MB: variants seen among roughly 807,000 people sequenced by gnomAD.
MB encodes nitrite reductase MB.
In MB, 10 loss-of-function variants were observed where a neutral mutation model predicts 14.5. The ratio of observed to expected loss-of-function variants is 0.69; its 90% confidence interval spans 0.43 to 1.17. MB has a LOEUF of 1.17. Ranked by LOEUF, MB falls within the 50% of genes most tolerant of loss-of-function variation. MB has a pLI of 0.00. For synonymous variants in MB, 89 were observed against 78.6 expected, an observed-to-expected ratio of 1.13 and a Z score of -0.70; for missense variants, 169 against 192.7, an observed-to-expected ratio of 0.88 and a Z score of 0.73.
rs775351969 is a variant in MB at position 35,610,954 on chromosome 22, T to C, written c.248A>G (p.His83Arg). 72 of 1,614,088 alleles carry C rather than the reference T, an allele frequency of 4.5e-5. No individual in the cohort carries two copies. The highest frequency in any genetic ancestry group is 2.2e-5 in the East Asian group (1 of 44,898). The change falls in exon 2 of 3, where the codon CAT (histidine) becomes CGT (arginine). Residue 83 changes from histidine (H) to arginine (R), a missense_variant. Physicochemically the swap from His to Arg is conservative, Grantham distance 29. Coordinates refer to ENST00000397326, the MANE Select transcript of MB (RefSeq NM_005368.3). ...LGGILKKKGH[H>R]EAEIKPLAQS... ...TGCCAGGGGCTTAATCTCTGCCTCA[T>C]GATGCCCCTTCTTCTTAAGGATGCC...
chr22:35,621,986 C>T (rs1010193739), upstream of MB: 1 of 152,266 alleles, frequency 6.6e-6, no homozygotes, highest in African/African-American at 2.4e-5. Flanking sequence ...TTGAGCCCCT[C>T]AGGCAGCTGT....
chr22:35,615,290 C>G (rs1462236149), intron 1 of MB, among the ~76,000 whole-genome samples: 1 of 152,196 alleles, frequency 6.6e-6, no homozygotes, highest in African/African-American at 2.4e-5. Flanking sequence ...AGGCCATCCT[C>G]CCTGTACCCC....
upstream of MB, among the ~76,000 whole-genome samples, chr22:35,619,204 A>T (rs929656295): frequency 6.6e-6 from 1 of 152,240 alleles, no homozygotes; most frequent in Non-Finnish European, 1.5e-5. Flanking sequence ...GATAACTAAG[A>T]GGAATGAAAA....
chr22:35,617,500 G>A, upstream of MB: 1 of 540,012 alleles, frequency 1.9e-6, no homozygotes, highest in East Asian at 3.2e-5. Flanking sequence ...TTTTAGGGCA[G>A]GTGCCATTGT....
rs45612835 is a variant in MB, at chr22:35,609,441, T to C, written c.318+1443A>G. Among the ~76,000 whole-genome samples, 185 of 152,190 alleles carry C rather than the reference T, an allele frequency of 1.2e-3. 2 individuals carry two copies. The highest frequency in any genetic ancestry group is 0.01 in the East Asian group (53 of 5,168). On this transcript the variant is annotated intron_variant, in intron 2 of 2. Transcript: ENST00000397326. ...AGGGACGGCCTCACATGCAGGGTTG[T>C]CTGTTCACGCTGGTGATGTGGAGCA...
chr22:35,609,030 T>C (rs1017451569), intron 2 of MB, among the ~76,000 whole-genome samples: 6 of 152,198 alleles, frequency 3.9e-5, no homozygotes, highest in African/African-American at 1.4e-4. Context: ...AAGCATGTTT[T>C]AGGGAGACCT....
chr22:35,611,655 T>A (rs2145915273), intron 1 of MB, among the ~76,000 whole-genome samples: 1 of 152,158 alleles, frequency 6.6e-6, no homozygotes, highest in South Asian at 2.1e-4. Flanking sequence ...TCTCTGAACC[T>A]CCCAGTCCCC....
At chr22:35,621,943 G>C (rs1432556605), upstream of MB, 1 of 152,244 alleles carries the variant, frequency 6.6e-6, no homozygotes, top group Non-Finnish European at 1.5e-5. Flanking sequence ...GAACGCTATA[G>C]CAAAGGGGAT....
upstream of MB, chr22:35,617,485 A>G (rs1197846878): frequency 5.4e-6 from 3 of 559,844 alleles, no homozygotes; most frequent in Non-Finnish European, 9.6e-6. Flanking sequence ...TCACATGGGA[A>G]GCTATTTTAG....
upstream of MB, among the ~76,000 whole-genome samples, chr22:35,618,657 T>A (rs1923254983): frequency 6.6e-6 from 1 of 151,702 alleles, no homozygotes; most frequent in Admixed American, 6.6e-5. Flanking sequence ...TATTCATCTA[T>A]CCATCATCTC....
chr22:35,613,802 A>G lies in MB; in HGVS notation c.96-2696T>C, dbSNP rs1922844412. Among the ~76,000 whole-genome samples, 5 of 151,986 alleles carry G rather than the reference A, an allele frequency of 3.3e-5. No homozygotes were observed. The South Asian group carries it at 8.3e-4, about 25-fold the overall frequency. On this transcript the variant is annotated intron_variant, in intron 1 of 2. Coordinates refer to ENST00000397326, the MANE Select transcript of MB (RefSeq NM_005368.3). ...CCTGAGCCACCCCACCCCACCCCATATTTACTTTAAACAGCAGAGCAGAAT... is the reference window on the plus strand; with the variant it reads ...CCTGAGCCACCCCACCCCACCCCATGTTTACTTTAAACAGCAGAGCAGAAT...
In MB at chr22:35,616,990, T is replaced by C. The variant is rs536913668; in HGVS notation, c.95+173A>G. 2.5e-4 allele frequency: 149 copies of C among 587,496 alleles called. 2 individuals are homozygous for C. The South Asian group carries it at 3.1e-3, about 12-fold the overall frequency. The allele number at this position is 587,496 out of a possible 1,614,324, so 36.4% of individuals were successfully genotyped here. Reference sequence around the variant, plus strand: ...CAGCCTGAAATGGCTCCTTTCCCTCTCCTGAGTCCAATCCCTGACACTTAA... The same window carrying C: ...CAGCCTGAAATGGCTCCTTTCCCTCCCCTGAGTCCAATCCCTGACACTTAA... On this transcript the variant is annotated intron_variant, in intron 1 of 2. Coordinates refer to ENST00000397326, the MANE Select transcript of MB (RefSeq NM_005368.3).
At chr22:35,614,034 C>G (rs972495234) in intron 1 of MB, among the ~76,000 whole-genome samples, 1 of 152,192 alleles carries the variant, frequency 6.6e-6, no homozygotes, top group Non-Finnish European at 1.5e-5. Context: ...CAGAAAGCCC[C>G]GCTGGCCTGT....
chr22:35,617,314 C>T lies in MB; in HGVS notation c.-57G>A. The T allele has an allele frequency of 2.1e-6, 3 of 1,430,348 alleles. No homozygotes were observed. Among genetic ancestry groups the T allele is most frequent in the Admixed American group, 1.7e-5 (1 of 58,964 alleles). The allele number at this position is 1,430,348 out of a possible 1,614,324, so 88.6% of individuals were successfully genotyped here. On this transcript the variant is annotated 5_prime_UTR_variant, in exon 1 of 3. Transcript: ENST00000397326. ...TATGGGCTCACTGGGTGTCCTGGCC[C>T]CAACAGCTGGGGTTTGAGGCTGCCT...
intron 1 of MB, chr22:35,622,708 C>T (rs139815547): frequency 0.013 from 2,020 of 152,626 alleles, 41 homozygotes; most frequent in African/African-American, 0.046. Context: ...CCTGGGACAC[C>T]GACCTGCCTC....
upstream of MB, among the ~76,000 whole-genome samples, chr22:35,621,347 C>T (rs1923447178): frequency 6.6e-6 from 1 of 152,136 alleles, no homozygotes; most frequent in Non-Finnish European, 1.5e-5. Flanking sequence ...AAAACTGAGA[C>T]TTGTAGAATC....
In MB at chr22:35,611,113, G is replaced by T. The variant is rs1426747048; in HGVS notation, c.96-7C>A. On this transcript the variant is annotated splice_polypyrimidine_tract_variant and splice_region_variant and intron_variant, in intron 1 of 2. Transcript: ENST00000397326. Reference sequence around the variant, plus strand: ...TGGGTGACCCTTAAAGAGCCTGTGGGCACAGGGAAGGCTGGAGTCGGCATG... The same window carrying T: ...TGGGTGACCCTTAAAGAGCCTGTGGTCACAGGGAAGGCTGGAGTCGGCATG... 6.2e-7 allele frequency: 1 copy of T among 1,609,792 alleles called. No homozygotes were observed. Among genetic ancestry groups the T allele is most frequent in the East Asian group, 2.2e-5 (1 of 44,856 alleles).
intron 1 of MB, among the ~76,000 whole-genome samples, chr22:35,614,030 G>C (rs779578128): frequency 6.6e-6 from 1 of 152,200 alleles, no homozygotes; most frequent in Non-Finnish European, 1.5e-5. Context: ...ATTTCAGAAA[G>C]CCCCGCTGGC....
At chr22:35,611,427 G>C (rs1202561303) in intron 1 of MB, among the ~76,000 whole-genome samples, 1 of 152,202 alleles carries the variant, frequency 6.6e-6, no homozygotes, top group Non-Finnish European at 1.5e-5. Flanking sequence ...CAGGGGTGCT[G>C]TCCAGAGAAG....
Sources: gnomAD v4.1 joint callset for allele counts (sites outside exome capture counted in the v4.1 genomes callset) on GRCh38, gnomAD v4.1.1 for gene constraint, MANE v1.5 for transcripts, NCBI Gene and HGNC (gene_info 2026-07-23, HGNC 2026-07-21) for gene names.